CFAP43: variants seen among roughly 807,000 people sequenced by gnomAD.
CFAP43 encodes the protein cilia and flagella associated protein 43, also known as cilia- and flagella-associated protein 43.
Under a neutral mutation model 218.9 loss-of-function variants are expected in CFAP43, and 155 were observed. That is an observed-to-expected ratio of 0.71 (90% CI 0.62 to 0.81). The LOEUF (loss-of-function observed/expected upper bound fraction) is 0.81. Ranked by LOEUF, CFAP43 falls within the 30% of genes least tolerant of loss-of-function variation. The pLI, the probability that CFAP43 is intolerant of heterozygous loss-of-function variation, is 0.00. For synonymous variants in CFAP43, 645 were observed against 681.3 expected (o/e 0.95, Z 0.83); for missense variants, 1,778 against 1,954.3 (o/e 0.91, Z 1.70).
At chr10:104,131,512 A>G (rs2087192108) in intron 36 of CFAP43, 28 bp from the exon 37 acceptor site, 1 of 1,583,582 alleles carries the variant, frequency 6.3e-7, no homozygotes, top group Non-Finnish European at 8.5e-7. Flanking sequence ...ATGACACCCC[A>G]CAAAATTAAT....
chr10:104,158,827 G>T (rs965106810), intron 27 of CFAP43, among the ~76,000 whole-genome samples: 1 of 152,024 alleles, frequency 6.6e-6, no homozygotes, highest in African/African-American at 2.4e-5. Flanking sequence ...TCTGTGATTT[G>T]TCTCCAACTA....
intron 29 of CFAP43, 61 bp from the exon 30 acceptor site, chr10:104,146,410 T>C (rs1194717177): frequency 4.8e-6 from 6 of 1,253,752 alleles, no homozygotes; most frequent in Non-Finnish European, 4.7e-6. Context: ...AACAAAAATA[T>C]TGGGGATACT....
chr10:104,221,051 C>T (rs747638440), intron 3 of CFAP43, among the ~76,000 whole-genome samples: 41 of 152,028 alleles, frequency 2.7e-4, no homozygotes, highest in Admixed American at 7.2e-4. Context: ...CCTTGGCTCA[C>T]TGCAACCTCT....
At chr10:104,197,063 A>G (rs1296153078) in intron 9 of CFAP43, 130 bp from the exon 10 acceptor site, 9 of 625,406 alleles carry the variant, frequency 1.4e-5, no homozygotes, top group Non-Finnish European at 1.9e-5. Context: ...GATTATAAAT[A>G]CTTATTTTAT....
intron 28 of CFAP43, among the ~76,000 whole-genome samples, chr10:104,148,816 G>A (rs1184818842): frequency 2.0e-5 from 3 of 152,192 alleles, no homozygotes; most frequent in African/African-American, 4.8e-5. Context: ...ATTATTTATA[G>A]CAACACAAAA....
intron 26 of CFAP43, 143 bp from the exon 27 acceptor site, chr10:104,161,305 A>C: frequency 2.3e-6 from 2 of 870,930 alleles, no homozygotes; most frequent in Non-Finnish European, 3.4e-6. Context: ...CATCTTGGGC[A>C]AAAGATATTT....
At chr10:104,135,344 T>A (rs2087390564) in intron 34 of CFAP43, among the ~76,000 whole-genome samples, 1 of 152,184 alleles carries the variant, frequency 6.6e-6, no homozygotes, top group African/African-American at 2.4e-5. Flanking sequence ...CCACTTTTTG[T>A]CACTTTGATT....
chr10:104,179,176 AG>A, intron 18 of CFAP43, 70 bp from the exon 19 acceptor site: 10 of 1,315,222 alleles, frequency 7.6e-6, no homozygotes, highest in East Asian at 2.3e-5. Context: ...AGAGAGAGAG[AG>A]AGAGCAATTC....
In CFAP43 at chr10:104,203,806, AGAGAT is replaced by A; in HGVS notation, c.964-8_964-4del. Reference sequence around the variant, plus strand: ...ATAAAAGAATACACAAAGCCATCCTAGAGATGAGTGAGATAAACATAGAAAATCAG... The same window carrying A: ...ATAAAAGAATACACAAAGCCATCCTAGAGTGAGATAAACATAGAAAATCAG... On this transcript the variant is annotated splice_region_variant and splice_polypyrimidine_tract_variant and intron_variant, in intron 7 of 37. Coordinates refer to ENST00000357060, the MANE Select transcript of CFAP43 (RefSeq NM_025145.7). 6.3e-7 allele frequency: 1 copy of A among 1,594,962 alleles called. No homozygotes were observed.
intron 16 of CFAP43, 102 bp downstream of exon 16, chr10:104,184,914 G>C (rs1250293112): frequency 2.0e-6 from 3 of 1,501,622 alleles, no homozygotes; most frequent in Non-Finnish European, 2.7e-6. Context: ...TGCACTGGCA[G>C]TGGTCTCCCA....
intron 19 of CFAP43, 147 bp from the exon 20 acceptor site, chr10:104,172,682 G>T: frequency 2.8e-6 from 2 of 704,410 alleles, no homozygotes; most frequent in African/African-American, 1.9e-5. Flanking sequence ...TTAGATTATG[G>T]GCTTATTGTG....
At chr10:104,161,285 A>C in intron 26 of CFAP43, 123 bp from the exon 27 acceptor site, 2 of 1,039,060 alleles carry the variant, frequency 1.9e-6, no homozygotes, top group Non-Finnish European at 1.4e-6. Flanking sequence ...TGGCAAGGAA[A>C]ACGACCTGAC....
intron 2 of CFAP43, among the ~76,000 whole-genome samples, chr10:104,228,744 T>C (rs2091370127): frequency 6.6e-6 from 1 of 152,210 alleles, no homozygotes; most frequent in Non-Finnish European, 1.5e-5. Context: ...TAAGTATGTA[T>C]ATGTTCTAAT....
At chr10:104,165,159 G>A (rs1306644583) in intron 23 of CFAP43, among the ~76,000 whole-genome samples, 5 of 152,180 alleles carry the variant, frequency 3.3e-5, no homozygotes, top group Non-Finnish European at 7.3e-5. Flanking sequence ...TAGCCAGCTG[G>A]AGTAACCAAT....
Position 104,152,588 on chromosome 10 carries a change from A to T in CFAP43, c.3660+19T>A. 6.2e-7 allele frequency: 1 copy of T among 1,612,086 alleles called. No homozygotes were observed. Among genetic ancestry groups the T allele is most frequent in the Non-Finnish European group, 8.5e-7 (1 of 1,179,348 alleles). ...CCTGCAAGCTCCTTAAAAGTCACATAAGTAAAGCTTTTATTTACCTGGTTG... is the reference window on the plus strand; with the variant it reads ...CCTGCAAGCTCCTTAAAAGTCACATTAGTAAAGCTTTTATTTACCTGGTTG... On this transcript the variant is annotated intron_variant, in intron 28 of 37. Transcript: ENST00000357060.
intron 23 of CFAP43, 90 bp from the exon 24 acceptor site, chr10:104,164,390 A>T: frequency 1.9e-6 from 2 of 1,077,056 alleles, no homozygotes; most frequent in South Asian, 1.7e-5. Context: ...CTCTAAAATC[A>T]TTCCACAAAT....
At chr10:104,161,295 C>A in intron 26 of CFAP43, 133 bp from the exon 27 acceptor site, 1 of 909,096 alleles carries the variant, frequency 1.1e-6, no homozygotes, top group Non-Finnish European at 1.6e-6. Flanking sequence ...AACGACCTGA[C>A]ATCTTGGGCA....
intron 34 of CFAP43, among the ~76,000 whole-genome samples, chr10:104,138,351 A>G (rs2087544494): frequency 6.6e-6 from 1 of 152,254 alleles, no homozygotes; most frequent in Non-Finnish European, 1.5e-5. Flanking sequence ...AAAACAAGAC[A>G]AAACTGAGAA....
At chr10:104,211,268 T>C (rs1322469025) in intron 5 of CFAP43, among the ~76,000 whole-genome samples, 1 of 152,140 alleles carries the variant, frequency 6.6e-6, no homozygotes, top group Non-Finnish European at 1.5e-5. Flanking sequence ...ACAATACTCT[T>C]TACTTTTGTT....
Sources: gnomAD v4.1 joint callset for allele counts (sites outside exome capture counted in the v4.1 genomes callset) on GRCh38, gnomAD v4.1.1 for gene constraint, MANE v1.5 for transcripts, NCBI Gene and HGNC (gene_info 2026-07-23, HGNC 2026-07-21) for gene names.